The following ESPL1 variants were observed in gnomAD, a reference collection of about 807,000 sequenced individuals.
ESPL1 encodes the protein separin.
In ESPL1, 50 loss-of-function variants were observed where a neutral mutation model predicts 217.2. That is an observed-to-expected ratio of 0.23 (90% CI 0.18 to 0.29). ESPL1 has a LOEUF of 0.29. Ranked by LOEUF, ESPL1 falls within the 10% of genes least tolerant of loss-of-function variation. The probability of loss-of-function intolerance (pLI) is 1.00; values close to 1 mark genes in which losing one functional copy is unlikely to be tolerated. For synonymous variants in ESPL1, 994 were observed against 1,081.3 expected (o/e 0.92, Z 1.58); for missense variants, 1,834 against 2,603.0 (o/e 0.70, Z 6.43).
intron 20 of ESPL1, 110 bp from the exon 21 acceptor site, chr12:53,288,980 T>C: frequency 1.1e-6 from 1 of 884,534 alleles, no homozygotes; most frequent in South Asian, 1.5e-5. Flanking sequence ...TAAATGGTAG[T>C]TGCTGTTTGC....
chr12:53,279,890 TG>T, intron 12 of ESPL1, 24 bp downstream of exon 12: 1 of 1,541,706 alleles, frequency 6.5e-7, no homozygotes. Flanking sequence ...CAGCCTAGTC[TG>T]GGGACTGCAG....
chr12:53,284,228 C>T, intron 17 of ESPL1, 61 bp downstream of exon 17: 5 of 1,008,410 alleles, frequency 5.0e-6, no homozygotes, highest in Non-Finnish European at 7.9e-6. Flanking sequence ...TACAGCACAT[C>T]TTTCTATGTA....
chr12:53,273,033 A>AT (rs1287601708), intron 6 of ESPL1, among the ~76,000 whole-genome samples, 176 bp downstream of exon 6: 5,715 of 122,912 alleles, frequency 0.046, 435 homozygotes, highest in African/African-American at 0.14. Context: ...CTGTTGACTC[A>AT]TTTTTTTTTT....
intron 3 of ESPL1, 44 bp downstream of exon 3, chr12:53,270,129 A>T (rs1302923471): frequency 6.7e-7 from 1 of 1,490,968 alleles, no homozygotes; most frequent in Admixed American, 1.9e-5. Context: ...TGGTCTGTGG[A>T]CTCACTACCA....
In ESPL1 at chr12:53,269,465, C is replaced by T; in HGVS notation, c.523C>T (p.Leu175=). The stretch of plus-strand genomic sequence containing the variant: ...AGCTCGGCTGAAGGCCTTGAGCTTC[C>T]TAGTACTCTTGGAGGATGAAAGTAC... ...FAARLKALSF[L]VLLEDESTPC... is the part of the protein sequence containing the mutation. Residue 175 remains leucine (L), a synonymous_variant, in exon 3 of 31, where the codon CTA becomes TTA. Transcript: ENST00000257934. The surrounding 1 kb of genome is among the most constrained non-coding windows in gnomAD (Gnocchi z 6.7). 1 of 1,614,166 alleles carries T rather than the reference C, an allele frequency of 6.2e-7. No homozygotes were observed. Among genetic ancestry groups the T allele is most frequent in the Non-Finnish European group, 8.5e-7 (1 of 1,180,018 alleles).
At chr12:53,280,810 A>T (rs1943848020) in intron 12 of ESPL1, among the ~76,000 whole-genome samples, 1 of 152,056 alleles carries the variant, frequency 6.6e-6, no homozygotes, top group East Asian at 2.0e-4. Flanking sequence ...CCTGACCAAC[A>T]TGGAGAAACC....
Position 53,286,255 on chromosome 12 carries a change from C to T in ESPL1, c.3519C>T (p.Ala1173=). ...TGGTCACGGCAGGGGTGAGGCTGGC[C>T]ATGGGCCACCAAGCCCAGGGTCTGG... ...WVLVTAGVRL[A]MGHQAQGLDL... Residue 1173 remains alanine (A), a synonymous_variant, in exon 18 of 31, where the codon GCC becomes GCT. Transcript: ENST00000257934. This position sits in a 1 kb window ranked among gnomAD's most constrained non-coding sequence, Gnocchi z 5.3. 3.7e-6 allele frequency: 6 copies of T among 1,614,230 alleles called. No individual in the cohort carries two copies. Among genetic ancestry groups the T allele is most frequent in the Non-Finnish European group, 5.1e-6 (6 of 1,180,048 alleles).
intron 11 of ESPL1, among the ~76,000 whole-genome samples, chr12:53,278,431 G>A (rs544925628): frequency 4.0e-5 from 6 of 150,792 alleles, no homozygotes; most frequent in South Asian, 2.1e-4. Flanking sequence ...AGCCAAGATC[G>A]CGCCACTGCA....
Position 53,290,454 on chromosome 12 carries a change from G to A in ESPL1, c.5349G>A (p.Leu1783=). 1.9e-6 allele frequency: 3 copies of A among 1,612,776 alleles called. No homozygotes were observed. Among genetic ancestry groups the A allele is most frequent in the Non-Finnish European group, 2.5e-6 (3 of 1,179,680 alleles). Residue 1783 remains leucine (L), a synonymous_variant, in exon 24 of 31, where the codon CTG becomes CTA. Transcript: ENST00000257934. The stretch of plus-strand genomic sequence containing the variant: ...AATGGTGGACAGGGCGGCTGGCACT[G>A]GACCACAGGATGGAGGTGTGTGCTT... ...KREWWTGRLA[L]DHRMEVLIAS... is the part of the protein sequence containing the mutation.
At chr12:53,273,880 TGC>T (rs1943720451) in intron 6 of ESPL1, among the ~76,000 whole-genome samples, 1 of 124,224 alleles carries the variant, frequency 8.0e-6, no homozygotes, top group African/African-American at 3.1e-5. Context: ...GACTGAGTCT[TGC>T]TCTTGCTTTG....
rs1358932204 is a variant in ESPL1 at position 53,269,617 on chromosome 12, C to T, written c.675C>T (p.Ser225=). ...CTGATTTCCTAGATGACCTGCTCTC[C>T]AGGCACGTGATCAGAGCCTTGGTGG... ...ADADFLDDLL[S]RHVIRALVGE... is the part of the protein sequence containing the mutation. Residue 225 remains serine, a synonymous_variant, in exon 3 of 31, where the codon TCC becomes TCT. Coordinates refer to ENST00000257934, the MANE Select transcript of ESPL1 (RefSeq NM_012291.5). The surrounding 1 kb of genome is among the most constrained non-coding windows in gnomAD (Gnocchi z 6.7). 2.4e-5 allele frequency: 38 copies of T among 1,614,134 alleles called. No homozygotes were observed. The highest frequency in any genetic ancestry group is 3.2e-5 in the Non-Finnish European group (38 of 1,180,042).
rs752518788 is a variant in ESPL1 at position 53,277,454 on chromosome 12, C to A, written c.2086-16C>A. 6.2e-7 allele frequency: 1 copy of A among 1,611,856 alleles called. No individual in the cohort carries two copies. Among genetic ancestry groups the A allele is most frequent in the Non-Finnish European group, 8.5e-7 (1 of 1,179,128 alleles). Reference sequence around the variant, plus strand: ...CACCACTGTGCCCTGTTTTATACCCCGATCTTCCCATCCAGGGTATCGAGC... The same window carrying A: ...CACCACTGTGCCCTGTTTTATACCCAGATCTTCCCATCCAGGGTATCGAGC... On this transcript the variant is annotated splice_polypyrimidine_tract_variant and intron_variant, in intron 9 of 30. Transcript: ENST00000257934.
intron 11 of ESPL1, among the ~76,000 whole-genome samples, chr12:53,279,354 CT>C (rs1327683640): frequency 6.6e-6 from 1 of 152,206 alleles, no homozygotes; most frequent in Non-Finnish European, 1.5e-5. Context: ...TACCTCAGCC[CT>C]AGATTTGAGA....
chr12:53,292,960 A>G lies in ESPL1; in HGVS notation c.6151A>G (p.Met2051Val). ...GGCTGGCATCGTGCTCAAGTACATC[A>G]TGGCTGGTTGGTGAGTCTCCAAGGG... ...EGAGIVLKYI[M>V]AGCPLFLGNL... Residue 2051 changes from methionine to valine, a missense_variant, in exon 30 of 31, where the codon ATG becomes GTG. Met to Val is a conservative substitution (Grantham distance 21, BLOSUM62 1). This residue lies in a region of ESPL1 where 295 missense variants were observed against 519.8 expected (regional missense o/e 0.57). Coordinates refer to ENST00000257934, the MANE Select transcript of ESPL1 (RefSeq NM_012291.5). This position sits in a 1 kb window ranked among gnomAD's most constrained non-coding sequence, Gnocchi z 4.5. 6.2e-7 allele frequency: 1 copy of G among 1,613,354 alleles called. No individual in the cohort carries two copies. Among genetic ancestry groups the G allele is most frequent in the Non-Finnish European group, 8.5e-7 (1 of 1,179,862 alleles).
rs760119948 is a variant in ESPL1, at chr12:53,293,009, G to A, written c.6161+39G>A. ...GGCAAGACCCATCCTAGGGCATTAG[G>A]ACTCCTGCCCTCACCCCAGGTTCTT... On this transcript the variant is annotated intron_variant, in intron 30 of 30. Transcript: ENST00000257934. The surrounding 1 kb of genome is among the most constrained non-coding windows in gnomAD (Gnocchi z 4.2). 1 of 1,576,434 alleles carries A rather than the reference G, an allele frequency of 6.3e-7. No homozygotes were observed. The highest frequency in any genetic ancestry group is 1.1e-5 in the South Asian group (1 of 88,420).
At position 53,286,661 on chromosome 12, in the gene ESPL1, A is replaced by G. The variant is rs376466564; in HGVS notation, c.3925A>G (p.Lys1309Glu). Residue 1309 changes from lysine to glutamate, a missense_variant, in exon 18 of 31, where the codon AAG (lysine) becomes GAG (glutamate). Lys to Glu is a moderately conservative substitution (Grantham distance 56). Coordinates refer to ENST00000257934, the MANE Select transcript of ESPL1 (RefSeq NM_012291.5). The surrounding 1 kb of genome is among the most constrained non-coding windows in gnomAD (Gnocchi z 5.3). ...AAGTGTCCCTGGCTCAGAGCCCTCT[A>G]AGACTCAGGGCCAAAAACGTTCTGG... ...IKSVPGSEPS[K>E]TQGQKRSGRG... The G allele has an allele frequency of 7.4e-6, 12 of 1,614,060 alleles. No homozygotes were observed. In the African/African-American group the frequency reaches 1.6e-4, roughly 22 times the overall value.
intron 9 of ESPL1, 109 bp downstream of exon 9, chr12:53,277,336 T>TG: frequency 2.7e-6 from 4 of 1,474,432 alleles, no homozygotes; most frequent in Non-Finnish European, 3.7e-6. Context: ...TTTTTAGAGA[T>TG]GGGGTCTCTC....
rs762134127 is a variant in ESPL1, at chr12:53,293,523, C to A, written c.*49C>A. The A allele has an allele frequency of 1.2e-5, 16 of 1,377,546 alleles. No individual in the cohort carries two copies. The highest frequency in any genetic ancestry group is 1.5e-5 in the Non-Finnish European group (15 of 968,068). The allele number at this position is 1,377,546 out of a possible 1,614,324, so 85.3% of individuals were successfully genotyped here. ...GCTAGAAGCCTCATAACTGTTCTAC[C>A]TCCAAGGTTAGATTTAATCCTTAGG... On this transcript the variant is annotated 3_prime_UTR_variant, in exon 31 of 31. Coordinates refer to ENST00000257934, the MANE Select transcript of ESPL1 (RefSeq NM_012291.5). This position sits in a 1 kb window ranked among gnomAD's most constrained non-coding sequence, Gnocchi z 4.2.
At chr12:53,287,101 C>A (rs1943962158) in intron 18 of ESPL1, among the ~76,000 whole-genome samples, 189 bp downstream of exon 18, 2 of 152,202 alleles carry the variant, frequency 1.3e-5, no homozygotes, top group Admixed American at 6.5e-5. Context: ...GAGAAGGAGT[C>A]TCGCTCTGTC....
Sources: gnomAD v4.1 joint callset for allele counts (sites outside exome capture counted in the v4.1 genomes callset) on GRCh38, gnomAD v4.1.1 for gene constraint, gnomAD v4.1.1 regional missense constraint, Gnocchi (gnomAD v3.1) non-coding constraint, MANE v1.5 for transcripts, NCBI Gene and HGNC (gene_info 2026-07-23, HGNC 2026-07-21) for gene names.